Variants in ANKLE1 observed in about 807,000 individuals in gnomAD.
The protein encoded by ANKLE1 is ankyrin repeat and LEM domain containing 1, also known as structure-specific endonuclease ANKLE1.
A neutral mutation model predicts 56.2 loss-of-function variants in ANKLE1; 59 were observed. The observed-to-expected ratio is 1.05, with a 90% CI of 0.85 to 1.30. The LOEUF (loss-of-function observed/expected upper bound fraction) is 1.30. ANKLE1 is among the 50% of genes most tolerant of loss of function. The pLI is 0.00. For missense variants in ANKLE1, 771 were observed against 816.1 expected (o/e 0.94, Z 0.67); for synonymous variants, 341 against 352.9 (o/e 0.97, Z 0.38).
chr19:17,283,862 G>A lies in ANKLE1; in HGVS notation c.1098G>A (p.Leu366=), dbSNP rs201515883. The change falls in exon 5 of 9, where the codon TTG becomes TTA. Residue 366 remains leucine, a synonymous_variant. Coordinates refer to ENST00000404085, the MANE Select transcript of ANKLE1 (RefSeq NM_152363.6). The part of the protein sequence containing the change: ...LPVSTVSDLE[L]LKGLRALGEN... ...TCTCCACTGTGTCTGACTTGGAGTT[G>A]CTGAAGGGACTCCGAGCACTTGGTG... 11 of 1,613,684 alleles carry A rather than the reference G, an allele frequency of 6.8e-6. No homozygotes were observed. In the East Asian group the frequency reaches 1.8e-4, roughly 26 times the overall value.
At chr19:17,284,804 G>A (rs1039084782) in intron 6 of ANKLE1, among the ~76,000 whole-genome samples, 1 of 148,078 alleles carries the variant, frequency 6.8e-6, no homozygotes, top group East Asian at 2.0e-4. Context: ...TTGTGCCTCA[G>A]CCTCCCAAGT....
At chr19:17,282,498 C>T in intron 2 of ANKLE1, 158 bp from the exon 3 acceptor site, 1 of 892,562 alleles carries the variant, frequency 1.1e-6, no homozygotes. Flanking sequence ...TGGGTCCTGG[C>T]CTGAGGTCAT....
Position 17,286,740 on chromosome 19 carries a change from A to C in ANKLE1, c.*188A>C. The C allele has an allele frequency of 1.4e-6, 2 of 1,448,834 alleles. No homozygotes were observed. Among genetic ancestry groups the C allele is most frequent in the South Asian group, 2.9e-5 (2 of 69,532 alleles). 89.7% of individuals were successfully genotyped at this position (1,448,834 alleles called of 1,614,324 possible). A position where few individuals can be genotyped will look rare whatever the true frequency, so the allele number is the denominator to read the frequency against. ...GGGAGCACCCAGGCAGATCTCCCCCAGGCTGAGAGAGGACTTTGTTACAGA... is the reference window on the plus strand; with the variant it reads ...GGGAGCACCCAGGCAGATCTCCCCCCGGCTGAGAGAGGACTTTGTTACAGA... On this transcript the variant is annotated 3_prime_UTR_variant, in exon 9 of 9. Coordinates refer to ENST00000404085, the MANE Select transcript of ANKLE1 (RefSeq NM_152363.6).
chr19:17,284,149 C>T lies in ANKLE1; in HGVS notation c.1259C>T (p.Pro420Leu). 6.2e-7 allele frequency: 1 copy of T among 1,613,922 alleles called. No homozygotes were observed. The highest frequency in any genetic ancestry group is 8.5e-7 in the Non-Finnish European group (1 of 1,179,896). Residue 420 changes from proline (P) to leucine (L), a missense_variant, in exon 6 of 9, where the codon CCA (proline) becomes CTA (leucine). Transcript: ENST00000404085. ...LAAALRTGCIPDVQADEDALA... is the reference protein window; with the variant it reads ...LAAALRTGCILDVQADEDALA... ...GCAGCCCTGCGGACGGGCTGTATTC[C>T]AGATGTCCAGGCAGATGAAGACGCG...
intron 8 of ANKLE1, among the ~76,000 whole-genome samples, chr19:17,286,026 T>G (rs2074027337): frequency 6.6e-6 from 1 of 152,078 alleles, no homozygotes; most frequent in Non-Finnish European, 1.5e-5. Context: ...CATACTTTTT[T>G]GTGTGTGTGT....
rs758181092 is a variant in ANKLE1, at chr19:17,285,513, GT to G, written c.1460del (p.Val487GlyfsTer72). On this transcript the variant is annotated frameshift_variant, in exon 7 of 9. Transcript: ENST00000404085. LOFTEE classifies it high-confidence loss of function. Reference sequence around the variant, plus strand: ...GACTTTCATCCGTGCCATCTTCTACGTGGGCAAAGGGACGAGGGCCCGGCCA... The same window carrying G: ...GACTTTCATCCGTGCCATCTTCTACGGGGCAAAGGGACGAGGGCCCGGCCA... ...LQTFIRAIFY[V>X]GKGTRARPYV... The G allele has an allele frequency of 6.2e-7, 1 of 1,613,914 alleles. No individual in the cohort carries two copies. Among genetic ancestry groups the G allele is most frequent in the East Asian group, 2.2e-5 (1 of 44,860 alleles).
intron 6 of ANKLE1, 36 bp downstream of exon 6, chr19:17,284,302 A>G (rs371635596): frequency 9.4e-6 from 15 of 1,596,134 alleles, no homozygotes; most frequent in African/African-American, 1.3e-5. Context: ...AATAGAAACT[A>G]GAAAATTTGG....
In ANKLE1 at chr19:17,286,800, C is replaced by T. The variant is rs1338503451; in HGVS notation, c.*248C>T. 2.2e-6 allele frequency: 3 copies of T among 1,348,328 alleles called. No homozygotes were observed. The highest frequency in any genetic ancestry group is 6.2e-5 in the Admixed American group (2 of 32,008). The allele number at this position is 1,348,328 out of a possible 1,614,324, so 83.5% of individuals were successfully genotyped here. A position where few individuals can be genotyped will look rare whatever the true frequency, so the allele number is the denominator to read the frequency against. ...TGGAGAGGTAGTAAGTAGTGAGCTC[C>T]CCATCGTGGGAGGAGGACAAGAAGG... On this transcript the variant is annotated 3_prime_UTR_variant, in exon 9 of 9. Coordinates refer to ENST00000404085, the MANE Select transcript of ANKLE1 (RefSeq NM_152363.6).
In ANKLE1 at chr19:17,284,173, C is replaced by T. The variant is rs146387346; in HGVS notation, c.1283C>T (p.Ala428Val). 3.6e-5 allele frequency: 58 copies of T among 1,613,738 alleles called. No homozygotes were observed. The highest frequency in any genetic ancestry group is 2.7e-4 in the African/African-American group (20 of 74,934). ...CCAGATGTCCAGGCAGATGAAGACG[C>T]GCTGGCCCAGCAGTTTGAGCAGCCA... ...CIPDVQADED[A>V]LAQQFEQPDP... The change falls in exon 6 of 9, where the codon GCG becomes GTG. Residue 428 changes from alanine (A) to valine (V), a missense_variant. Coordinates refer to ENST00000404085, the MANE Select transcript of ANKLE1 (RefSeq NM_152363.6).
In ANKLE1 at chr19:17,283,834, C is replaced by A. The variant is rs1337850460; in HGVS notation, c.1070C>A (p.Pro357Gln). Residue 357 changes from proline (P) to glutamine (Q), a missense_variant, in exon 5 of 9, where the codon CCA becomes CAA. Coordinates refer to ENST00000404085, the MANE Select transcript of ANKLE1 (RefSeq NM_152363.6). ...CCTGTCGGCCCTTGCCGGCACCTGCCAGTCTCCACTGTGTCTGACTTGGAG... is the reference window on the plus strand; with the variant it reads ...CCTGTCGGCCCTTGCCGGCACCTGCAAGTCTCCACTGTGTCTGACTTGGAG... ...REPVGPCRHL[P>Q]VSTVSDLELL... The A allele has an allele frequency of 6.2e-7, 1 of 1,613,748 alleles. No homozygotes were observed. Among genetic ancestry groups the A allele is most frequent in the South Asian group, 1.1e-5 (1 of 91,084 alleles).
At position 17,283,013 on chromosome 19, in the gene ANKLE1, C is replaced by A; in HGVS notation, c.460+11C>A. 1 of 1,555,304 alleles carries A rather than the reference C, an allele frequency of 6.4e-7. No individual in the cohort carries two copies. The highest frequency in any genetic ancestry group is 8.6e-7 in the Non-Finnish European group (1 of 1,156,904). ...AGCCTGCACCTGGCAGTGAGTAGGG[C>A]CTGCAGGGCTGCTGGGGCTTGACTT... On this transcript the variant is annotated intron_variant, in intron 4 of 8. Coordinates refer to ENST00000404085, the MANE Select transcript of ANKLE1 (RefSeq NM_152363.6).
rs1256940297 is a variant in ANKLE1 at position 17,283,231 on chromosome 19, G to A, written c.467G>A (p.Gly156Asp). The A allele has an allele frequency of 6.2e-7, 1 of 1,605,062 alleles. No individual in the cohort carries two copies. The highest frequency in any genetic ancestry group is 1.7e-5 in the Admixed American group (1 of 59,264). The change falls in exon 5 of 9, where the codon GGC (glycine) becomes GAC (aspartate). Residue 156 changes from glycine (G) to aspartate (D), a missense_variant. Transcript: ENST00000404085. ...CCCCCACTCTCACCTGCAGCCCCAGGCCTCTCTGGACCTACCGATGAGACG... is the reference window on the plus strand; with the variant it reads ...CCCCCACTCTCACCTGCAGCCCCAGACCTCTCTGGACCTACCGATGAGACG... ...QEPEPAPGTP[G>D]LSGPTDETLD...
chr19:17,284,679 G>T (rs1022158274), intron 6 of ANKLE1, among the ~76,000 whole-genome samples: 1 of 96,838 alleles, frequency 1.0e-5, no homozygotes, highest in Non-Finnish European at 2.2e-5. Context: ...CCACCGCACC[G>T]GCCTCTTTTT....
In ANKLE1 at chr19:17,286,675, TGTGTGTGTGTGTGTGTTTGTGTGTG is replaced by T; in HGVS notation, c.*124_*148del. 2 of 1,119,558 alleles carry T rather than the reference TGTGTGTGTGTGTGTGTTTGTGTGTG, an allele frequency of 1.8e-6. No homozygotes were observed. Among genetic ancestry groups the T allele is most frequent in the Non-Finnish European group, 2.5e-6 (2 of 813,124 alleles). The allele number at this position is 1,119,558 out of a possible 1,614,324, so 69.4% of individuals were successfully genotyped here. On this transcript the variant is annotated 3_prime_UTR_variant, in exon 9 of 9. Transcript: ENST00000404085. ...GTGTGTGTGTGTGTGTGTGTGTGTGTGTGTGTGTGTGTGTGTTTGTGTGTGTGTGTGTGTGTGTAGGGAGCACCCA... is the reference window on the plus strand; with the variant it reads ...GTGTGTGTGTGTGTGTGTGTGTGTGTTGTGTGTGTGTGTAGGGAGCACCCA...
chr19:17,286,196 G>T (rs2074028707), intron 8 of ANKLE1, among the ~76,000 whole-genome samples, 184 bp from the exon 9 acceptor site: 1 of 152,136 alleles, frequency 6.6e-6, no homozygotes, highest in African/African-American at 2.4e-5. Context: ...GTATTTTTTA[G>T]TAAAGACAGG....
chr19:17,283,367 C>G lies in ANKLE1; in HGVS notation c.603C>G (p.Asp201Glu), dbSNP rs778162392. 2 of 1,613,622 alleles carry G rather than the reference C, an allele frequency of 1.2e-6. No homozygotes were observed. Among genetic ancestry groups the G allele is most frequent in the African/African-American group, 2.7e-5 (2 of 74,928 alleles). ...TCCCTGTTCCCCTTGAAACTGTGGACAAACATGGGAGCTCGGCGTCCCCTC... is the reference window on the plus strand; with the variant it reads ...TCCCTGTTCCCCTTGAAACTGTGGAGAAACATGGGAGCTCGGCGTCCCCTC... ...PSLPVPLETV[D>E]KHGSSASPPG... The change falls in exon 5 of 9, where the codon GAC (aspartate) becomes GAG (glutamate). Residue 201 changes from aspartate to glutamate, a missense_variant. Coordinates refer to ENST00000404085, the MANE Select transcript of ANKLE1 (RefSeq NM_152363.6).
At chr19:17,283,189 C>A in intron 4 of ANKLE1, 36 bp from the exon 5 acceptor site, 3 of 1,582,070 alleles carry the variant, frequency 1.9e-6, no homozygotes, top group South Asian at 1.1e-5. Context: ...TCTCATCCCT[C>A]CTCCTCTCCT....
chr19:17,282,575 G>A, intron 2 of ANKLE1, 81 bp from the exon 3 acceptor site: 1 of 1,363,294 alleles, frequency 7.3e-7, no homozygotes, highest in East Asian at 2.5e-5. Flanking sequence ...GAGAACGAAG[G>A]CTCCAGGTCC....
Position 17,285,602 on chromosome 19 carries a change from G to A in ANKLE1, c.1536+12G>A, listed in dbSNP as rs1216461954. ...GGTCAAGAAAACAGGTGTGAGGACA[G>A]GGATCAGGGTTCAGCGAGGGCAGTC... is the stretch of plus-strand genomic sequence containing the variant. On this transcript the variant is annotated intron_variant, in intron 7 of 8. Transcript: ENST00000404085. The A allele has an allele frequency of 6.2e-7, 1 of 1,613,986 alleles. No individual in the cohort carries two copies. Among genetic ancestry groups the A allele is most frequent in the African/African-American group, 1.3e-5 (1 of 75,052 alleles).
Sources: gnomAD v4.1 joint callset for allele counts (sites outside exome capture counted in the v4.1 genomes callset) on GRCh38, gnomAD v4.1.1 for gene constraint, MANE v1.5 for transcripts, NCBI Gene and HGNC (gene_info 2026-07-23, HGNC 2026-07-21) for gene names.